ZNF326: variants seen among roughly 807,000 people sequenced by gnomAD.
ZNF326 encodes the protein zinc finger protein 326.
ZNF326 carries 30 observed loss-of-function variants against 63.1 expected under a neutral mutation model. The ratio of observed to expected loss-of-function variants is 0.48; its 90% CI spans 0.36 to 0.64. The LOEUF is 0.64. Ranked by LOEUF, ZNF326 falls within the 30% of genes least tolerant of loss-of-function variation. ZNF326 has a pLI of 0.00. For synonymous variants in ZNF326, 194 were observed against 228.2 expected (o/e 0.85, Z 1.35); for missense variants, 609 against 720.3 (o/e 0.85, Z 1.77).
In ZNF326 at chr1:90,032,133, A is replaced by G. The variant is rs1454024065; in HGVS notation, c.*4432A>G. 6.6e-6 allele frequency: 1 copy of G among 152,210 alleles called. No homozygotes were observed. The allele number at this position is 152,210 out of a possible 1,614,324, so 9.4% of individuals were successfully genotyped here. On this transcript the variant is annotated 3_prime_UTR_variant, in exon 12 of 12. Transcript: ENST00000340281. ...TTGAGGCCTCCTCGGAGACAGCCAT[A>G]CTAGTCTAATCTCTTCTTGACTTTC...
Position 90,013,234 on chromosome 1 carries a change from A to G in ZNF326, c.923A>G (p.Tyr308Cys). The G allele has an allele frequency of 6.4e-7, 1 of 1,571,030 alleles. No individual in the cohort carries two copies. Among genetic ancestry groups the G allele is most frequent in the East Asian group, 2.3e-5 (1 of 43,908 alleles). The change falls in exon 7 of 12, where the codon TAC becomes TGC. Residue 308 changes from tyrosine to cysteine, a missense_variant. Tyr to Cys is a radical substitution (Grantham distance 194). Coordinates refer to ENST00000340281, the MANE Select transcript of ZNF326 (RefSeq NM_182976.4). The part of the protein sequence containing the change: ...EKNSEKYGDG[Y>C]RMAFTCSFCK... ...AACAGTGAGAAATACGGAGATGGAT[A>G]CAGGTTTGTACTTAGAGTCAGAAAA...
chr1:90,016,445 G>T (rs1649506949), intron 7 of ZNF326, among the ~76,000 whole-genome samples: 1 of 152,140 alleles, frequency 6.6e-6, no homozygotes, highest in African/African-American at 2.4e-5. Context: ...TCTGGTCACG[G>T]TGGCTCACAC....
In ZNF326 at chr1:90,013,177, G is replaced by A; in HGVS notation, c.866G>A (p.Arg289Gln). 4 of 1,612,688 alleles carry A rather than the reference G, an allele frequency of 2.5e-6. No homozygotes were observed. The highest frequency in any genetic ancestry group is 1.7e-5 in the Admixed American group (1 of 59,828). The change falls in exon 7 of 12, where the codon CGG (arginine) becomes CAG (glutamine). Residue 289 changes from arginine (R) to glutamine (Q), a missense_variant. This residue lies in a region of ZNF326 where 399 missense variants were observed against 444.3 expected (regional missense o/e 0.90). Transcript: ENST00000340281. ...EEEEKRRIEARREKQRRRREK... is the reference protein window; with the variant it reads ...EEEEKRRIEAQREKQRRRREK... ...GAAGAAAAGCGGCGAATTGAGGCTC[G>A]GCGAGAGAAACAAAGGCGCAGAAGA...
rs1203878500 is a variant in ZNF326 at position 90,033,451 on chromosome 1, ACTT to A, written c.*5751_*5753del. 6.6e-6 allele frequency: 1 copy of A among 152,192 alleles called. No homozygotes were observed. The highest frequency in any genetic ancestry group is 6.5e-5 in the Admixed American group (1 of 15,272). The allele number at this position is 152,192 out of a possible 1,614,324, so 9.4% of individuals were successfully genotyped here. On this transcript the variant is annotated 3_prime_UTR_variant, in exon 12 of 12. Coordinates refer to ENST00000340281, the MANE Select transcript of ZNF326 (RefSeq NM_182976.4). ...ATTATATGGAATAATAATTACTACTACTTATAATAGTTTCATATGTAATCCTCA... is the reference window on the plus strand; with the variant it reads ...ATTATATGGAATAATAATTACTACTAATAATAGTTTCATATGTAATCCTCA...
chr1:90,004,853 G>A (rs1451718304), intron 2 of ZNF326, 150 bp from the exon 3 acceptor site: 1 of 65,142 alleles, frequency 1.5e-5, no homozygotes, highest in East Asian at 3.7e-4. Context: ...TCATCTTTGT[G>A]TTTTTCCCTT....
In ZNF326 at chr1:90,029,966, A is replaced by G. The variant is rs1650193664; in HGVS notation, c.*2265A>G. 6.6e-6 allele frequency: 1 copy of G among 152,196 alleles called. No individual in the cohort carries two copies. The highest frequency in any genetic ancestry group is 2.4e-5 in the African/African-American group (1 of 41,434). 9.4% of individuals were successfully genotyped at this position (152,196 alleles called of 1,614,324 possible). A position where few individuals can be genotyped will look rare whatever the true frequency, so the allele number is the denominator to read the frequency against. ...TGCATTGCTTTTGTAATAAGGATGT[A>G]TATAAGATCTTAAACGCCTTTCAAC... On this transcript the variant is annotated 3_prime_UTR_variant, in exon 12 of 12. Transcript: ENST00000340281.
intron 11 of ZNF326, among the ~76,000 whole-genome samples, chr1:90,024,428 G>A (rs1413681724): frequency 7.2e-5 from 11 of 152,176 alleles, no homozygotes; most frequent in Admixed American, 4.6e-4. Context: ...TAGCTTTAAT[G>A]TTTGTCTTGC....
In ZNF326 at chr1:90,007,366, C is replaced by A; in HGVS notation, c.231C>A (p.Tyr77Ter). The A allele has an allele frequency of 6.2e-7, 1 of 1,610,872 alleles. No individual in the cohort carries two copies. Among genetic ancestry groups the A allele is most frequent in the Non-Finnish European group, 8.5e-7 (1 of 1,178,420 alleles). ...CCAGGTTTGGACCTTATGAGTCTTA[C>A]GACTCCAGGTCTTCTCTGGGTGGGC... ...GGSRFGPYES[Y>*]DSRSSLGGRD... The change falls in exon 5 of 12, where the codon TAC (tyrosine) becomes TAA (stop). Residue 77 changes from tyrosine to a stop codon, truncating the protein, a stop_gained. Coordinates refer to ENST00000340281, the MANE Select transcript of ZNF326 (RefSeq NM_182976.4). LOFTEE classifies it high-confidence loss of function. This position sits in a 1 kb window ranked among gnomAD's most constrained non-coding sequence, Gnocchi z 4.9.
intron 4 of ZNF326, chr1:90,005,687 C>CT (rs1648954670): frequency 1.0e-6 from 1 of 985,108 alleles, no homozygotes; most frequent in Non-Finnish European, 1.2e-6. Context: ...CTGAACCAGT[C>CT]TAACATTTAC....
Position 90,031,858 on chromosome 1 carries a change from CAT to C in ZNF326, c.*4159_*4160del, listed in dbSNP as rs1650293090. 6.6e-6 allele frequency: 1 copy of C among 152,264 alleles called. No homozygotes were observed. The highest frequency in any genetic ancestry group is 1.5e-5 in the Non-Finnish European group (1 of 68,116). 9.4% of individuals were successfully genotyped at this position (152,264 alleles called of 1,614,324 possible). ...TATAGGCATGAGCCACCGCGTCTGG[CAT>C]ACAAACTTTTGATTACAGTTTGACA... On this transcript the variant is annotated 3_prime_UTR_variant, in exon 12 of 12. Coordinates refer to ENST00000340281, the MANE Select transcript of ZNF326 (RefSeq NM_182976.4).
chr1:89,998,358 T>G (rs1263531203), intron 2 of ZNF326, among the ~76,000 whole-genome samples: 2 of 152,208 alleles, frequency 1.3e-5, no homozygotes, highest in Admixed American at 1.3e-4. Flanking sequence ...TTGATTTTTT[T>G]TTTGGTCCAT....
Position 90,002,058 on chromosome 1 carries a change from G to A in ZNF326, c.62-2945G>A, listed in dbSNP as rs1438128892. On this transcript the variant is annotated intron_variant, in intron 2 of 11. Coordinates refer to ENST00000340281, the MANE Select transcript of ZNF326 (RefSeq NM_182976.4). ...TTAAGATATACTACTATGTTCTCATGGTTTTATTTTTAAAAGTGATTTTAA... is the reference window on the plus strand; with the variant it reads ...TTAAGATATACTACTATGTTCTCATAGTTTTATTTTTAAAAGTGATTTTAA... Among the ~76,000 whole-genome samples the A allele has an allele frequency of 3.9e-5, 6 of 152,052 alleles. No homozygotes were observed. The East Asian group carries it at 9.6e-4, about 24-fold the overall frequency.
At chr1:90,003,556 T>A (rs1648806799) in intron 2 of ZNF326, among the ~76,000 whole-genome samples, 1 of 152,198 alleles carries the variant, frequency 6.6e-6, no homozygotes, top group South Asian at 2.1e-4. Flanking sequence ...CTTTTGTAAA[T>A]ATTCAGAAGA....
chr1:90,001,445 G>GTT (rs1648672847), intron 2 of ZNF326, among the ~76,000 whole-genome samples: 9 of 152,206 alleles, frequency 5.9e-5, no homozygotes, highest in Non-Finnish European at 1.0e-4. Flanking sequence ...CTAGGTGGTA[G>GTT]ATGTTGGTAT....
At chr1:90,004,525 TC>T (rs1453052831) in intron 2 of ZNF326, among the ~76,000 whole-genome samples, 1 of 152,210 alleles carries the variant, frequency 6.6e-6, no homozygotes, top group Non-Finnish European at 1.5e-5. Context: ...CTTATAGTAG[TC>T]CCCTAGTCCA....
At chr1:90,005,442 A>G (rs1648941983) in intron 4 of ZNF326, 198 bp downstream of exon 4, 4 of 1,309,026 alleles carry the variant, frequency 3.1e-6, no homozygotes, top group African/African-American at 1.5e-5. Flanking sequence ...TTTTAGGAAA[A>G]CACCAGATAA....
chr1:90,007,367 G>A lies in ZNF326; in HGVS notation c.232G>A (p.Asp78Asn). The A allele has an allele frequency of 6.2e-7, 1 of 1,610,624 alleles. No individual in the cohort carries two copies. Among genetic ancestry groups the A allele is most frequent in the Non-Finnish European group, 8.5e-7 (1 of 1,178,312 alleles). ...CAGGTTTGGACCTTATGAGTCTTACGACTCCAGGTCTTCTCTGGGTGGGCG... is the reference window on the plus strand; with the variant it reads ...CAGGTTTGGACCTTATGAGTCTTACAACTCCAGGTCTTCTCTGGGTGGGCG... The part of the protein sequence containing the change: ...GSRFGPYESY[D>N]SRSSLGGRDL... The change falls in exon 5 of 12, where the codon GAC becomes AAC. Residue 78 changes from aspartate (D) to asparagine (N), a missense_variant. This residue lies in a region of ZNF326 where 113 missense variants were observed against 187.4 expected (regional missense o/e 0.60). Transcript: ENST00000340281. This position sits in a 1 kb window ranked among gnomAD's most constrained non-coding sequence, Gnocchi z 4.9.
intron 6 of ZNF326, among the ~76,000 whole-genome samples, chr1:90,011,191 G>T (rs192833888): frequency 9.7e-4 from 148 of 152,228 alleles, no homozygotes; most frequent in African/African-American, 3.5e-3. Context: ...GAAAAGTGTT[G>T]TGTAGCTAAG....
At chr1:90,002,408 C>G (rs891690281) in intron 2 of ZNF326, among the ~76,000 whole-genome samples, 6 of 152,128 alleles carry the variant, frequency 3.9e-5, no homozygotes, top group Non-Finnish European at 8.8e-5. Context: ...AAAATAGAAA[C>G]TAGCAGAAAT....
Sources: allele counts gnomAD v4.1 joint callset (sites outside exome capture counted in the v4.1 genomes callset), GRCh38; gene constraint gnomAD v4.1.1; regional missense constraint gnomAD v4.1.1; non-coding constraint Gnocchi (gnomAD v3.1); transcripts MANE v1.5; gene names NCBI Gene and HGNC (gene_info 2026-07-23, HGNC 2026-07-21).